RAD51B: variants seen among roughly 807,000 people sequenced by gnomAD.
The protein encoded by RAD51B is RAD51 paralog B, also known as DNA repair protein RAD51 homolog 2.
In RAD51B, 38 loss-of-function variants were observed where a neutral mutation model predicts 42.2. The ratio of observed to expected loss-of-function variants is 0.90; its 90% CI spans 0.70 to 1.18. The LOEUF is 1.18. RAD51B is among the 50% of genes most tolerant of loss of function. The pLI, the probability that RAD51B is intolerant of heterozygous loss-of-function variation, is 0.00. For missense variants in RAD51B, 373 were observed against 400.7 expected (o/e 0.93, Z 0.59); for synonymous variants, 154 against 145.2 (o/e 1.06, Z -0.43).
intron 8 of RAD51B, among the ~76,000 whole-genome samples, chr14:68,329,838 T>C (rs2082314868): frequency 1.3e-5 from 2 of 151,936 alleles, no homozygotes; most frequent in Admixed American, 1.3e-4. Flanking sequence ...AAAAATGGGC[T>C]GGGCATGGCG....
chr14:67,891,928 A>G (rs1566944553), intron 7 of RAD51B, among the ~76,000 whole-genome samples: 1 of 152,200 alleles, frequency 6.6e-6, no homozygotes, highest in Non-Finnish European at 1.5e-5. Flanking sequence ...CTTTTGTGAA[A>G]GCCTGATGAA....
At chr14:68,521,462 G>C (rs529570996) in intron 10 of RAD51B, among the ~76,000 whole-genome samples, 2 of 152,316 alleles carry the variant, frequency 1.3e-5, no homozygotes, top group Non-Finnish European at 2.9e-5. Flanking sequence ...CCCTAACTCA[G>C]ACCCAAGCTC....
At chr14:68,608,841 C>T (rs1243567301) in intron 10 of RAD51B, among the ~76,000 whole-genome samples, 3 of 152,180 alleles carry the variant, frequency 2.0e-5, no homozygotes, top group Non-Finnish European at 4.4e-5. Context: ...TGGGCTCCAG[C>T]CCTGCTGGTC....
intron 10 of RAD51B, among the ~76,000 whole-genome samples, chr14:68,577,830 T>C (rs2140052616): frequency 6.6e-6 from 1 of 152,330 alleles, no homozygotes; most frequent in Middle Eastern, 3.4e-3. Context: ...CTACCTGCCG[T>C]GGTGTACATG....
chr14:68,289,251 G>A (rs1322070486), intron 7 of RAD51B, among the ~76,000 whole-genome samples: 1 of 152,130 alleles, frequency 6.6e-6, no homozygotes, highest in African/African-American at 2.4e-5. Flanking sequence ...TATTTACTAT[G>A]TGTCAGATAC....
intron 4 of RAD51B, among the ~76,000 whole-genome samples, chr14:67,845,305 A>G (rs941442646): frequency 6.6e-6 from 1 of 152,166 alleles, no homozygotes; most frequent in African/African-American, 2.4e-5. Flanking sequence ...AATGGTAACA[A>G]ATTCCCTTAG....
intron 7 of RAD51B, among the ~76,000 whole-genome samples, chr14:67,928,660 T>C (rs138477808): frequency 2.0e-5 from 3 of 152,296 alleles, no homozygotes; most frequent in East Asian, 3.9e-4. Flanking sequence ...AATCGCCATG[T>C]TGGCCATGTT....
intron 7 of RAD51B, among the ~76,000 whole-genome samples, chr14:68,153,648 G>A (rs575401678): frequency 6.6e-6 from 1 of 152,160 alleles, no homozygotes; most frequent in South Asian, 2.1e-4. Flanking sequence ...TTTGAAAAGT[G>A]TCTATTCATG....
At chr14:68,592,793 A>T (rs1256002959) in intron 10 of RAD51B, among the ~76,000 whole-genome samples, 1 of 152,240 alleles carries the variant, frequency 6.6e-6, no homozygotes, top group Non-Finnish European at 1.5e-5. Flanking sequence ...TTTGGCATTG[A>T]TTCCCTTCGG....
At chr14:67,970,353 A>G (rs145426796) in intron 7 of RAD51B, among the ~76,000 whole-genome samples, 1 of 152,238 alleles carries the variant, frequency 6.6e-6, no homozygotes, top group East Asian at 1.9e-4. Context: ...AAAGTGTTCT[A>G]TGTTAGGTAG....
intron 10 of RAD51B, among the ~76,000 whole-genome samples, chr14:68,510,939 C>T (rs1386584716): frequency 1.3e-5 from 2 of 152,182 alleles, no homozygotes; most frequent in Non-Finnish European, 2.9e-5. Context: ...TAGGGAAAAT[C>T]ATCAAACTGG....
At chr14:68,410,115 C>T (rs1274580107) in intron 8 of RAD51B, among the ~76,000 whole-genome samples, 1 of 152,128 alleles carries the variant, frequency 6.6e-6, no homozygotes, top group East Asian at 1.9e-4. Flanking sequence ...CTGTCCTATG[C>T]ATTATAAAAT....
intron 7 of RAD51B, among the ~76,000 whole-genome samples, chr14:68,272,671 T>A (rs1262542904): frequency 0.056 from 393 of 7,078 alleles, 1 homozygote; most frequent in East Asian, 0.073. Flanking sequence ...ATATATTTTT[T>A]TTTTTTTTTT....
chr14:68,008,712 C>T (rs2075633039), intron 7 of RAD51B, among the ~76,000 whole-genome samples: 1 of 152,012 alleles, frequency 6.6e-6, no homozygotes, highest in South Asian at 2.1e-4. Context: ...AACTAGTTTG[C>T]TAAGTGATAG....
intron 8 of RAD51B, among the ~76,000 whole-genome samples, chr14:68,380,284 G>A (rs1453161240): frequency 6.6e-6 from 1 of 152,198 alleles, no homozygotes; most frequent in Non-Finnish European, 1.5e-5. Context: ...GAAAAGCTAA[G>A]AATGTTAGAT....
intron 10 of RAD51B, among the ~76,000 whole-genome samples, chr14:68,552,183 C>T (rs1487810526): frequency 6.6e-6 from 1 of 152,192 alleles, no homozygotes; most frequent in Non-Finnish European, 1.5e-5. Flanking sequence ...AACCGCTGTC[C>T]CCACTTCACT....
At chr14:68,497,102 C>T (rs1884583685) in intron 10 of RAD51B, 2 of 1,374,462 alleles carry the variant, frequency 1.5e-6, no homozygotes, top group Non-Finnish European at 1.9e-6. Flanking sequence ...TCTTGACACT[C>T]ATGTTCTTTT....
intron 7 of RAD51B, among the ~76,000 whole-genome samples, chr14:68,045,029 C>T (rs1482993076): frequency 6.6e-6 from 1 of 151,868 alleles, no homozygotes; most frequent in African/African-American, 2.4e-5. Flanking sequence ...CACCTGAGGT[C>T]AGGAGTTTGA....
intron 8 of RAD51B, among the ~76,000 whole-genome samples, chr14:68,311,894 AAAAT>A (rs545987926): frequency 6.6e-6 from 1 of 152,206 alleles, no homozygotes; most frequent in Non-Finnish European, 1.5e-5. Flanking sequence ...CTCCCTCTCA[AAAAT>A]AAATAAATAA....
Sources: gnomAD v4.1 joint callset for allele counts (sites outside exome capture counted in the v4.1 genomes callset) on GRCh38, gnomAD v4.1.1 for gene constraint, MANE v1.5 for transcripts, NCBI Gene and HGNC (gene_info 2026-07-23, HGNC 2026-07-21) for gene names.